SEPTIN6: variants seen among roughly 807,000 people sequenced by gnomAD.
SEPTIN6 encodes septin 6, also known as septin-6.
In SEPTIN6, 8 loss-of-function variants were observed where a neutral mutation model predicts 33.6. The ratio of observed to expected loss-of-function variants is 0.24; its 90% CI spans 0.14 to 0.43. The LOEUF is 0.43. Among genes scored for constraint, SEPTIN6 ranks in the 20% least tolerant of loss-of-function variants. SEPTIN6 has a pLI of 1.00. For missense variants in SEPTIN6, 250 were observed against 340.8 expected, an observed-to-expected ratio of 0.73 and a Z score of 2.10; for synonymous variants, 131 against 140.0, an observed-to-expected ratio of 0.94 and a Z score of 0.45.
chrX:119,676,673 A>T (rs2054847732), intron 1 of SEPTIN6, among the ~76,000 whole-genome samples: 1 of 111,176 alleles, frequency 9.0e-6, no homozygotes, highest in African/African-American at 3.3e-5. Flanking sequence ...TGGGAGGCTG[A>T]GGCGGGAGGA....
intron 10 of SEPTIN6, among the ~76,000 whole-genome samples, chrX:119,620,388 G>A (rs754048835): frequency 2.7e-3 from 263 of 97,121 alleles, no homozygotes; most frequent in African/African-American, 9.7e-3. Context: ...GTGCGATCTC[G>A]GCTCGCTGCA....
chrX:119,647,216 G>C (rs1162825014), intron 5 of SEPTIN6, among the ~76,000 whole-genome samples: 1 of 109,371 alleles, frequency 9.1e-6, no homozygotes, highest in Non-Finnish European at 1.9e-5. Context: ...CTGGGCGACA[G>C]AGTGAGAGCC....
At position 119,620,012 on chromosome X, in the gene SEPTIN6, C is replaced by G; in HGVS notation, c.*81G>C. On this transcript the variant is annotated 3_prime_UTR_variant, in exon 11 of 11. Coordinates refer to ENST00000394610, the MANE Select transcript of SEPTIN6 (RefSeq NM_145799.4). ...GGAAATTAGAGAAAGGGAGGCCCAG[C>G]TCTGTTGCGCAGGAAAAGGGTGTCT... 4 of 1,207,258 alleles carry G rather than the reference C, an allele frequency of 3.3e-6. No homozygotes were observed. The highest frequency in any genetic ancestry group is 4.5e-6 in the Non-Finnish European group (4 of 894,199).
Position 119,629,506 on chromosome X carries a change from C to G in SEPTIN6, c.1092G>C (p.Leu364=). ...TCTTCAGACGGTCAAACTTCTCGTGCAGCTGGCAGGGAAGCACAGGGAGAT... is the reference window on the plus strand; with the variant it reads ...TCTTCAGACGGTCAAACTTCTCGTGGAGCTGGCAGGGAAGCACAGGGAGAT... ...EAELKEAEKE[L]HEKFDRLKKL... is the part of the protein sequence containing the mutation. The change falls in exon 9 of 11, where the codon CTG becomes CTC. Residue 364 remains leucine, a splice_region_variant and synonymous_variant. Coordinates refer to ENST00000394610, the MANE Select transcript of SEPTIN6 (RefSeq NM_145799.4). 8.3e-7 allele frequency: 1 copy of G among 1,209,897 alleles called. No individual in the cohort carries two copies. The highest frequency in any genetic ancestry group is 1.1e-6 in the Non-Finnish European group (1 of 894,238).
chrX:119,624,146 T>G lies in SEPTIN6; in HGVS notation c.*41+1189A>C, dbSNP rs894719457. On this transcript the variant is annotated intron_variant, in intron 10 of 10. Coordinates refer to ENST00000394610, the MANE Select transcript of SEPTIN6 (RefSeq NM_145799.4). The stretch of plus-strand genomic sequence containing the variant: ...ATTTTCCTCCGCTTTTATTATGGGT[T>G]TTTTTTTTTTGTTTTTTTTTTTGTT... 27 of 124,127 alleles carry G rather than the reference T, an allele frequency of 2.2e-4. No individual in the cohort carries two copies. The East Asian group carries it at 2.3e-3, about 10-fold the overall frequency. The allele number at this position is 124,127 out of a possible 1,213,427, so 10.2% of individuals were successfully genotyped here. A position where few individuals can be genotyped will look rare whatever the true frequency, so the allele number is the denominator to read the frequency against.
chrX:119,633,672 A>G lies in SEPTIN6; in HGVS notation c.957-180T>C. On this transcript the variant is annotated intron_variant, in intron 7 of 10. Coordinates refer to ENST00000394610, the MANE Select transcript of SEPTIN6 (RefSeq NM_145799.4). ...GGCCCATGACAGCATGCCCACAGGG[A>G]TTCTGGAGGGGGATGGGGCAACCCT... is the stretch of plus-strand genomic sequence containing the variant. Among the ~76,000 whole-genome samples the G allele has an allele frequency of 3.6e-5, 4 of 112,214 alleles. No homozygotes were observed. In the South Asian group the frequency reaches 1.5e-3, roughly 42 times the overall value.
intron 5 of SEPTIN6, among the ~76,000 whole-genome samples, chrX:119,647,031 G>C (rs945869084): frequency 9.0e-6 from 1 of 110,664 alleles, no homozygotes; most frequent in Admixed American, 9.7e-5. Flanking sequence ...AGGCACACTA[G>C]CTGTGAGGCC....
intron 5 of SEPTIN6, among the ~76,000 whole-genome samples, chrX:119,643,628 T>C (rs1280365722): frequency 9.0e-6 from 1 of 111,223 alleles, no homozygotes; most frequent in South Asian, 3.8e-4. Context: ...ATATGCAAGG[T>C]AGGCATTTCC....
chrX:119,669,565 G>A (rs779619442), intron 2 of SEPTIN6, among the ~76,000 whole-genome samples: 116 of 112,054 alleles, frequency 1.0e-3, no homozygotes, highest in African/African-American at 3.5e-3. Flanking sequence ...GCTGGAGCCG[G>A]CTCGTCCGCT....
At chrX:119,652,035 T>C (rs2054359528) in intron 4 of SEPTIN6, among the ~76,000 whole-genome samples, 1 of 112,148 alleles carries the variant, frequency 8.9e-6, no homozygotes, top group Non-Finnish European at 1.9e-5. Context: ...GCGATTCTCC[T>C]GCTTGAGCCT....
chrX:119,668,467 A>G (rs1310493368), intron 2 of SEPTIN6, among the ~76,000 whole-genome samples: 6 of 112,269 alleles, frequency 5.3e-5, no homozygotes, highest in African/African-American at 1.9e-4. Flanking sequence ...AGCGTTGGTA[A>G]TAACAGCTAT....
chrX:119,686,088 A>G lies in SEPTIN6; in HGVS notation c.30+6988T>C, dbSNP rs146502003. Among the ~76,000 whole-genome samples the G allele has an allele frequency of 2.1e-3, 231 of 111,993 alleles. 2 individuals are homozygous for G. Among genetic ancestry groups the G allele is most frequent in the African/African-American group, 7.3e-3 (226 of 30,865 alleles). ...TCCCTGGAAGCCAGACAATTGAAAGAGAGTTTTCTAGGTGTTCTGGCTATT... is the reference window on the plus strand; with the variant it reads ...TCCCTGGAAGCCAGACAATTGAAAGGGAGTTTTCTAGGTGTTCTGGCTATT... On this transcript the variant is annotated intron_variant, in intron 1 of 10. Coordinates refer to ENST00000394610, the MANE Select transcript of SEPTIN6 (RefSeq NM_145799.4).
Position 119,629,312 on chromosome X carries a change from A to G in SEPTIN6, c.1280+6T>C. 4 of 1,208,719 alleles carry G rather than the reference A, an allele frequency of 3.3e-6. No individual in the cohort carries two copies. The highest frequency in any genetic ancestry group is 4.5e-6 in the Non-Finnish European group (4 of 893,749). On this transcript the variant is annotated splice_donor_region_variant and intron_variant, in intron 9 of 10. Transcript: ENST00000394610. ...AGGCACCACCCCAGAGCAGCCTGCT[A>G]CTTACTTTTTCTTCTCTTTGTCTCT...
chrX:119,689,166 T>C (rs1443091093), intron 1 of SEPTIN6, among the ~76,000 whole-genome samples: 1 of 111,842 alleles, frequency 8.9e-6, no homozygotes, highest in African/African-American at 3.3e-5. Flanking sequence ...TTGTTCACAT[T>C]GTGGGACTAG....
intron 10 of SEPTIN6, among the ~76,000 whole-genome samples, chrX:119,624,574 T>C: frequency 9.0e-6 from 1 of 111,581 alleles, no homozygotes; most frequent in Non-Finnish European, 1.9e-5. Flanking sequence ...TGAGTTTCCA[T>C]TGACTCTGGA....
intron 1 of SEPTIN6, among the ~76,000 whole-genome samples, chrX:119,676,147 G>A (rs1348559091): frequency 6.2e-5 from 7 of 112,058 alleles, no homozygotes; most frequent in African/African-American, 2.3e-4. Flanking sequence ...TATTCAGTAA[G>A]TATTACGAAA....
In SEPTIN6 at chrX:119,629,488, A is replaced by G. The variant is rs1221940712; in HGVS notation, c.1110T>C (p.Arg370=). 8.3e-7 allele frequency: 1 copy of G among 1,210,755 alleles called. No individual in the cohort carries two copies. Among genetic ancestry groups the G allele is most frequent in the South Asian group, 1.8e-5 (1 of 56,959 alleles). The change falls in exon 9 of 11, where the codon CGT becomes CGC. Residue 370 remains arginine (R), a synonymous_variant. Transcript: ENST00000394610. The stretch of plus-strand genomic sequence containing the variant: ...TCTCGTCCTGGTGCAGTTTCTTCAG[A>G]CGGTCAAACTTCTCGTGCAGCTGGC... ...AEKELHEKFD[R]LKKLHQDEKK...
chrX:119,671,718 G>A lies in SEPTIN6; in HGVS notation c.145+3836C>T, dbSNP rs186995461. The stretch of plus-strand genomic sequence containing the variant: ...GGAGGTTGAGGCTGCAGTAAGCTGT[G>A]ATCACGCCACAGCACTCCAGCCTGG... On this transcript the variant is annotated intron_variant, in intron 2 of 10. Coordinates refer to ENST00000394610, the MANE Select transcript of SEPTIN6 (RefSeq NM_145799.4). Among the ~76,000 whole-genome samples, 120 of 110,685 alleles carry A rather than the reference G, an allele frequency of 1.1e-3. 1 individual carries two copies. The highest frequency in any genetic ancestry group is 9.4e-3 in the Middle Eastern group (2 of 213).
intron 1 of SEPTIN6, among the ~76,000 whole-genome samples, chrX:119,682,977 G>C (rs1383152253): frequency 1.8e-5 from 2 of 112,695 alleles, no homozygotes; most frequent in Admixed American, 9.4e-5. Flanking sequence ...AAGCGGCCAG[G>C]TACGGTGGCT....
Sources: allele counts gnomAD v4.1 joint callset (sites outside exome capture counted in the v4.1 genomes callset), GRCh38; gene constraint gnomAD v4.1.1; transcripts MANE v1.5; gene names NCBI Gene and HGNC (gene_info 2026-07-23, HGNC 2026-07-21).